MACF1: variants seen among roughly 807,000 people sequenced by gnomAD.
The protein encoded by MACF1 is microtubule-actin cross-linking factor 1.
Under a neutral mutation model 854.8 loss-of-function variants are expected in MACF1, and 193 were observed. The observed-to-expected ratio is 0.23, with a 90% CI of 0.20 to 0.25. MACF1 has a LOEUF of 0.25. MACF1 is among the 10% of genes least tolerant of loss of function. The pLI, the probability that MACF1 is intolerant of heterozygous loss-of-function variation, is 1.00. For synonymous variants in MACF1, 3,185 were observed against 3,226.7 expected, an observed-to-expected ratio of 0.99 and a Z score of 0.44; for missense variants, 7,722 against 8,929.1, an observed-to-expected ratio of 0.86 and a Z score of 5.45.
At chr1:39,210,302 T>G (rs1009355073) in intron 1 of MACF1, among the ~76,000 whole-genome samples, 1 of 152,064 alleles carries the variant, frequency 6.6e-6, no homozygotes, top group African/African-American at 2.4e-5. Flanking sequence ...ATCTAACATA[T>G]CTTTGCTCAA....
chr1:39,162,564 C>G (rs1200677576), intron 2 of MACF1, among the ~76,000 whole-genome samples: 1 of 152,108 alleles, frequency 6.6e-6, no homozygotes, highest in African/African-American at 2.4e-5. Context: ...TGCCATGGCA[C>G]TTTAAACATA....
chr1:39,374,074 T>C (rs1649503113), intron 52 of MACF1, among the ~76,000 whole-genome samples: 1 of 151,606 alleles, frequency 6.6e-6, no homozygotes, highest in South Asian at 2.1e-4. Flanking sequence ...AAACCCCATC[T>C]CTACTAAAAA....
intron 2 of MACF1, among the ~76,000 whole-genome samples, chr1:39,125,941 T>C (rs942097315): frequency 2.0e-5 from 3 of 152,202 alleles, no homozygotes; most frequent in Non-Finnish European, 4.4e-5. Context: ...TCCAGTGAGC[T>C]GAGATTGCGC....
At chr1:39,430,188 C>A in intron 65 of MACF1, 120 bp downstream of exon 65, 1 of 1,072,588 alleles carries the variant, frequency 9.3e-7, no homozygotes, top group Non-Finnish European at 1.3e-6. Flanking sequence ...CTTGTTTACT[C>A]ATGGACAGTA....
In MACF1 at chr1:39,441,238, G is replaced by C. The variant is rs1375567127; in HGVS notation, c.18585G>C (p.Trp6195Cys). ...RKSIDEMNNA[W>C]ENLNKTWKER... Reference sequence around the variant, plus strand: ...TTTTCCCCTAGATGAATAATGCTTGGGAGAACTTAAACAAAACATGGAAAG... The same window carrying C: ...TTTTCCCCTAGATGAATAATGCTTGCGAGAACTTAAACAAAACATGGAAAG... Residue 6195 changes from tryptophan to cysteine, a missense_variant, in exon 74 of 101, where the codon TGG (tryptophan) becomes TGC (cysteine). This residue lies in a region of MACF1 where 2,807 missense variants were observed against 3,235.8 expected (regional missense o/e 0.87). Coordinates refer to ENST00000564288, the MANE Select transcript of MACF1 (RefSeq NM_001394062.1). 1 of 1,613,942 alleles carries C rather than the reference G, an allele frequency of 6.2e-7. No homozygotes were observed. Among genetic ancestry groups the C allele is most frequent in the East Asian group, 2.2e-5 (1 of 44,892 alleles).
At chr1:39,439,077 C>G (rs1226574295) in intron 71 of MACF1, among the ~76,000 whole-genome samples, 197 bp from the exon 72 acceptor site, 3 of 147,052 alleles carry the variant, frequency 2.0e-5, no homozygotes, top group Non-Finnish European at 3.0e-5. Context: ...GAGCAAGACT[C>G]TGTCTCCAAA....
chr1:39,289,906 G>T (rs539636574), intron 15 of MACF1, among the ~76,000 whole-genome samples: 1 of 151,842 alleles, frequency 6.6e-6, no homozygotes, highest in South Asian at 2.1e-4. Flanking sequence ...CACCACATTG[G>T]CCAGGCTGGT....
In MACF1 at chr1:39,382,121, A is replaced by T; in HGVS notation, c.13817A>T (p.Asn4606Ile). The T allele has an allele frequency of 6.2e-7, 1 of 1,614,080 alleles. No individual in the cohort carries two copies. ...GVLGPLSIDP[N>I]MLNAQKQQVQ... ...CTGGGGCCCCTGTCTATTGACCCCAACATGTTGAATGCACAAAAGCAACAG... is the reference window on the plus strand; with the variant it reads ...CTGGGGCCCCTGTCTATTGACCCCATCATGTTGAATGCACAAAAGCAACAG... Residue 4606 changes from asparagine to isoleucine, a missense_variant, in exon 56 of 101, where the codon AAC becomes ATC. Physicochemically the swap from Asn to Ile is moderately radical, Grantham distance 149. Around this residue, in one of 15 missense-constraint regions of MACF1, gnomAD observed 2,807 missense variants for 3,235.8 expected, o/e 0.87. Coordinates refer to ENST00000564288, the MANE Select transcript of MACF1 (RefSeq NM_001394062.1).
intron 2 of MACF1, among the ~76,000 whole-genome samples, chr1:39,134,335 C>T (rs558520701): frequency 3.3e-5 from 5 of 152,144 alleles, no homozygotes; most frequent in South Asian, 2.1e-4. Flanking sequence ...CATGAGCTAC[C>T]GCACCCGGCC....
At chr1:39,167,047 C>T (rs1406656922) in intron 2 of MACF1, among the ~76,000 whole-genome samples, 1 of 151,902 alleles carries the variant, frequency 6.6e-6, no homozygotes, top group Non-Finnish European at 1.5e-5. Flanking sequence ...CTGCAACCTC[C>T]GTGTCCTGGG....
At chr1:39,462,110 A>G (rs1482713445) in intron 93 of MACF1, 73 bp downstream of exon 93, 1 of 1,458,216 alleles carries the variant, frequency 6.9e-7, no homozygotes, top group Non-Finnish European at 9.5e-7. Flanking sequence ...GGTTGGGTTC[A>G]GTGATCATAT....
chr1:39,400,752 C>T (rs1642447502), intron 58 of MACF1, among the ~76,000 whole-genome samples: 1 of 152,094 alleles, frequency 6.6e-6, no homozygotes, highest in Non-Finnish European at 1.5e-5. Context: ...AAGTGATCCG[C>T]CCACCTCAGC....
In MACF1 at chr1:39,485,816, CCA is replaced by C; in HGVS notation, c.*24_*25del. 2 of 1,550,486 alleles carry C rather than the reference CCA, an allele frequency of 1.3e-6. No individual in the cohort carries two copies. Among genetic ancestry groups the C allele is most frequent in the Admixed American group, 3.8e-5 (2 of 52,262 alleles). On this transcript the variant is annotated 3_prime_UTR_variant, in exon 101 of 101. Coordinates refer to ENST00000564288, the MANE Select transcript of MACF1 (RefSeq NM_001394062.1). ...ATAACACTGTCTAAGCACCCCCAAG[CCA>C]CTATCCACTTTGAATCCTGCTCCAT...
intron 58 of MACF1, chr1:39,411,807 C>G: frequency 6.2e-7 from 1 of 1,613,714 alleles, no homozygotes; most frequent in Non-Finnish European, 8.5e-7. Flanking sequence ...CAGGGGCTGC[C>G]TTAGAAAAGG....
Position 39,280,333 on chromosome 1 carries a change from A to G in MACF1, c.529-1875A>G, listed in dbSNP as rs1254809323. On this transcript the variant is annotated intron_variant, in intron 6 of 100. Transcript: ENST00000564288. ...AGCACAACACTAAGTGCAATGGGCA[A>G]TGCACCAAAGGACTGTGATCAATGA... Among the ~76,000 whole-genome samples the G allele has an allele frequency of 4.6e-5, 7 of 152,332 alleles. No homozygotes were observed. In the South Asian group the frequency reaches 8.3e-4, roughly 18 times the overall value.
In MACF1 at chr1:39,335,216, A is replaced by G; in HGVS notation, c.8628A>G (p.Lys2876=). 6.2e-7 allele frequency: 1 copy of G among 1,614,024 alleles called. No individual in the cohort carries two copies. The highest frequency in any genetic ancestry group is 8.5e-7 in the Non-Finnish European group (1 of 1,179,974). The change falls in exon 37 of 101, where the codon AAA becomes AAG. Residue 2876 remains lysine, a synonymous_variant. Transcript: ENST00000564288. ...TAAATCCTCATAATCTTAAAGGTAA[A>G]TCCTTGGGCCAAGTGTCATTGACAC... The part of the protein sequence containing the change: ...SIINPHNLKG[K]SLGQVSLTHP...
chr1:39,376,621 A>G (rs1649744557), intron 52 of MACF1, among the ~76,000 whole-genome samples: 1 of 152,234 alleles, frequency 6.6e-6, no homozygotes, highest in Non-Finnish European at 1.5e-5. Context: ...ACCACACTGC[A>G]ATGGAATGTT....
intron 2 of MACF1, among the ~76,000 whole-genome samples, chr1:39,188,904 A>T (rs1404837813): frequency 6.8e-6 from 1 of 147,740 alleles, no homozygotes; most frequent in Middle Eastern, 3.5e-3. Flanking sequence ...ACACCCAGCT[A>T]ATTTTGTATT....
At chr1:39,386,140 G>A (rs1641765566) in intron 57 of MACF1, among the ~76,000 whole-genome samples, 1 of 151,924 alleles carries the variant, frequency 6.6e-6, no homozygotes, top group South Asian at 2.1e-4. Context: ...ACATAGCATA[G>A]TCCTAAAGAT....
Sources: allele counts gnomAD v4.1 joint callset (sites outside exome capture counted in the v4.1 genomes callset), GRCh38; gene constraint gnomAD v4.1.1; regional missense constraint gnomAD v4.1.1; transcripts MANE v1.5; gene names NCBI Gene and HGNC (gene_info 2026-07-23, HGNC 2026-07-21).